The following FBRS variants were observed in gnomAD, a reference collection of about 807,000 sequenced individuals.
The protein encoded by FBRS is fibrosin, also known as probable fibrosin-1.
FBRS carries 15 observed loss-of-function variants against 86.1 expected under a neutral mutation model. The observed-to-expected ratio is 0.17, with a 90% CI of 0.12 to 0.27. FBRS has a LOEUF of 0.27. Among genes scored for constraint, FBRS ranks in the 10% least tolerant of loss-of-function variants. The pLI, the probability that FBRS is intolerant of heterozygous loss-of-function variation, is 1.00. For missense variants in FBRS, 1,367 were observed against 1,301.6 expected (o/e 1.05, Z -0.77); for synonymous variants, 666 against 575.8 (o/e 1.16, Z -2.24).
Position 30,670,090 on chromosome 16 carries a change from A to G in FBRS, c.*445A>G, listed in dbSNP as rs2052578625. The G allele has an allele frequency of 2.1e-6, 1 of 473,362 alleles. No homozygotes were observed. Among genetic ancestry groups the G allele is most frequent in the South Asian group, 1.5e-5 (1 of 64,688 alleles). The allele number at this position is 473,362 out of a possible 1,614,324, so 29.3% of individuals were successfully genotyped here. The stretch of plus-strand genomic sequence containing the variant: ...CAAGGAAGGGGGGTTCCATGTACAT[A>G]TTTATCACCCCTTTCACATAGCCCC... On this transcript the variant is annotated 3_prime_UTR_variant, in exon 18 of 18. Coordinates refer to ENST00000356166, the MANE Select transcript of FBRS (RefSeq NM_001105079.3).
chr16:30,670,220 T>C lies in FBRS; in HGVS notation c.*575T>C, dbSNP rs1419623177. On this transcript the variant is annotated 3_prime_UTR_variant, in exon 18 of 18. Coordinates refer to ENST00000356166, the MANE Select transcript of FBRS (RefSeq NM_001105079.3). ...GTGTTCCTAGCCTCTGGCCTCTCTG[T>C]GGGGAAAGGGGACTGCAGGGGGAAG... is the stretch of plus-strand genomic sequence containing the variant. 2.2e-6 allele frequency: 1 copy of C among 457,614 alleles called. No homozygotes were observed. Among genetic ancestry groups the C allele is most frequent in the Non-Finnish European group, 4.4e-6 (1 of 226,820 alleles). 28.3% of individuals were successfully genotyped at this position (457,614 alleles called of 1,614,324 possible). A position where few individuals can be genotyped will look rare whatever the true frequency, so the allele number is the denominator to read the frequency against.
Position 30,669,536 on chromosome 16 carries a change from T to C in FBRS, c.2834T>C (p.Leu945Pro). 6.2e-7 allele frequency: 1 copy of C among 1,612,794 alleles called. No homozygotes were observed. Among genetic ancestry groups the C allele is most frequent in the South Asian group, 1.1e-5 (1 of 91,080 alleles). The part of the protein sequence containing the change: ...PAAAPGTPHL[L>P]SKTPPGALLG... ...GCGGCCCCGGGAACCCCTCACCTTC[T>C]CAGCAAGACCCCACCGGGAGCCCTT... The change falls in exon 18 of 18, where the codon CTC becomes CCC. Residue 945 changes from leucine to proline, a missense_variant. Transcript: ENST00000356166. This position sits in a 1 kb window ranked among gnomAD's most constrained non-coding sequence, Gnocchi z 5.9.
Position 30,669,280 on chromosome 16 carries a change from GA to G in FBRS, c.2579del (p.Glu860GlyfsTer45), listed in dbSNP as rs2052566892. ...GCCCCAGGGCCTTCACCTGCTGTTT[GA>G]GAGGCCCCGGCCGCCCCCGTTTCTG... ...TGPQGLHLLF[E>X]RPRPPPFLGP... is the part of the protein sequence containing the mutation. On this transcript the variant is annotated frameshift_variant, in exon 18 of 18. Transcript: ENST00000356166. LOFTEE classifies it high-confidence loss of function. The surrounding 1 kb of genome is among the most constrained non-coding windows in gnomAD (Gnocchi z 5.9). The G allele has an allele frequency of 1.3e-6, 2 of 1,571,686 alleles. No individual in the cohort carries two copies. Among genetic ancestry groups the G allele is most frequent in the African/African-American group, 2.7e-5 (2 of 73,692 alleles).
Position 30,658,918 on chromosome 16 carries a change from A to C in FBRS, c.-601A>C, listed in dbSNP as rs1036256063. The C allele has an allele frequency of 6.6e-6, 1 of 152,218 alleles. No individual in the cohort carries two copies. The highest frequency in any genetic ancestry group is 2.1e-4 in the South Asian group (1 of 4,828). The allele number at this position is 152,218 out of a possible 1,614,324, so 9.4% of individuals were successfully genotyped here. On this transcript the variant is annotated 5_prime_UTR_variant, in exon 1 of 18. Coordinates refer to ENST00000356166, the MANE Select transcript of FBRS (RefSeq NM_001105079.3). Reference sequence around the variant, plus strand: ...GTTTTTCTTTACGTCCTCCTCCCCCACACACAAGAAGTCTTTTAAATTCAA... The same window carrying C: ...GTTTTTCTTTACGTCCTCCTCCCCCCCACACAAGAAGTCTTTTAAATTCAA...
At chr16:30,667,485 T>C in intron 14 of FBRS, 48 bp downstream of exon 14, 1 of 1,514,450 alleles carries the variant, frequency 6.6e-7, no homozygotes, top group South Asian at 1.2e-5. Context: ...GTCTATAGCC[T>C]GAGGCCCAGC....
Position 30,669,689 on chromosome 16 carries a change from TTTAACCAGG to T in FBRS, c.*46_*54del, listed in dbSNP as rs1433321077. On this transcript the variant is annotated 3_prime_UTR_variant, in exon 18 of 18. Transcript: ENST00000356166. The surrounding 1 kb of genome is among the most constrained non-coding windows in gnomAD (Gnocchi z 5.9). The stretch of plus-strand genomic sequence containing the variant: ...GGGGCAAAGCTCCATCTCCCCTTCC[TTTAACCAGG>T]TCCTAGGGCTGAGGTTTTAAGCCAG... 4 of 1,536,606 alleles carry T rather than the reference TTTAACCAGG, an allele frequency of 2.6e-6. No individual in the cohort carries two copies. The highest frequency in any genetic ancestry group is 3.5e-6 in the Non-Finnish European group (4 of 1,150,258).
rs1409027638 is a variant in FBRS at position 30,670,369 on chromosome 16, GC to G, written c.*728del. ...GCAGAAGCTTCCTACTTGGCTGACA[GC>G]CCCGGTTCCCCCAACATGTTCCCGT... is the stretch of plus-strand genomic sequence containing the variant. On this transcript the variant is annotated 3_prime_UTR_variant, in exon 18 of 18. Coordinates refer to ENST00000356166, the MANE Select transcript of FBRS (RefSeq NM_001105079.3). 2.8e-6 allele frequency: 1 copy of G among 362,386 alleles called. No individual in the cohort carries two copies. The allele number at this position is 362,386 out of a possible 1,614,324, so 22.4% of individuals were successfully genotyped here. A position where few individuals can be genotyped will look rare whatever the true frequency, so the allele number is the denominator to read the frequency against.
At position 30,658,585 on chromosome 16, in the gene FBRS, G is replaced by A. The variant is rs1027093050; in HGVS notation, c.-934G>A. On this transcript the variant is annotated 5_prime_UTR_variant, in exon 1 of 18. Transcript: ENST00000356166. ...CCGTTCCGGATCCCCTAAGGCCCAAGTCGGACAGAGACGGAGGAAAGGAGG... is the reference window on the plus strand; with the variant it reads ...CCGTTCCGGATCCCCTAAGGCCCAAATCGGACAGAGACGGAGGAAAGGAGG... The A allele has an allele frequency of 5.9e-5, 9 of 152,536 alleles. No homozygotes were observed. The highest frequency in any genetic ancestry group is 2.2e-4 in the African/African-American group (9 of 41,474). 9.4% of individuals were successfully genotyped at this position (152,536 alleles called of 1,614,324 possible).
chr16:30,667,635 G>C lies in FBRS; in HGVS notation c.2074+13G>C. ...AGCACCCACATTGGTAAGAGCCAAG[G>C]GCGTGTTGGGCAACCCAGGCTTTGT... On this transcript the variant is annotated intron_variant, in intron 15 of 17. Coordinates refer to ENST00000356166, the MANE Select transcript of FBRS (RefSeq NM_001105079.3). 1 of 1,488,468 alleles carries C rather than the reference G, an allele frequency of 6.7e-7. No homozygotes were observed. The highest frequency in any genetic ancestry group is 8.9e-7 in the Non-Finnish European group (1 of 1,119,738). The allele number at this position is 1,488,468 out of a possible 1,614,324, so 92.2% of individuals were successfully genotyped here.
Position 30,664,304 on chromosome 16 carries a change from C to T in FBRS, c.1145C>T (p.Ala382Val). 6.5e-7 allele frequency: 1 copy of T among 1,538,978 alleles called. No homozygotes were observed. The part of the protein sequence containing the change: ...SSSSSSSSSS[A>V]SSSSAQLTHR... ...TCTTCGTCCTCCTCCTCCTCATCTGCCTCCTCCTCGTCCGCGCAGCTCACC... is the reference window on the plus strand; with the variant it reads ...TCTTCGTCCTCCTCCTCCTCATCTGTCTCCTCCTCGTCCGCGCAGCTCACC... The change falls in exon 7 of 18, where the codon GCC becomes GTC. Residue 382 changes from alanine to valine, a missense_variant. Physicochemically the swap from Ala to Val is moderately conservative, Grantham distance 64. This residue lies in a region of FBRS where 702 missense variants were observed against 598.7 expected (regional missense o/e 1.17). Coordinates refer to ENST00000356166, the MANE Select transcript of FBRS (RefSeq NM_001105079.3).
In FBRS at chr16:30,667,641, T is replaced by G; in HGVS notation, c.2074+19T>G. On this transcript the variant is annotated intron_variant, in intron 15 of 17. Transcript: ENST00000356166. ...CACATTGGTAAGAGCCAAGGGCGTG[T>G]TGGGCAACCCAGGCTTTGTCCCTGA... 3 of 1,484,490 alleles carry G rather than the reference T, an allele frequency of 2.0e-6. No individual in the cohort carries two copies. Among genetic ancestry groups the G allele is most frequent in the Non-Finnish European group, 2.7e-6 (3 of 1,117,108 alleles). 92.0% of individuals were successfully genotyped at this position (1,484,490 alleles called of 1,614,324 possible). A position where few individuals can be genotyped will look rare whatever the true frequency, so the allele number is the denominator to read the frequency against.
At chr16:30,663,472 C>T (rs754286612) in intron 6 of FBRS, among the ~76,000 whole-genome samples, 5 of 151,628 alleles carry the variant, frequency 3.3e-5, no homozygotes, top group African/African-American at 9.7e-5. Flanking sequence ...TGTCATGCCT[C>T]AGCCCCTTGA....
chr16:30,664,398 G>GCGC lies in FBRS; in HGVS notation c.1240_1241insGCC (p.Arg413dup). ...ACAGCTTTCCCCCTCCCGGGCTGCGGCCCCCCCCACCACCCCACCACCCCT... is the reference window on the plus strand; with the variant it reads ...ACAGCTTTCCCCCTCCCGGGCTGCGGCGCCCCCCCCCACCACCCCACCACCCCT... On this transcript the variant is annotated inframe_insertion, in exon 7 of 18. Coordinates refer to ENST00000356166, the MANE Select transcript of FBRS (RefSeq NM_001105079.3). The GCGC allele has an allele frequency of 2.2e-6, 3 of 1,376,416 alleles. No homozygotes were observed. The highest frequency in any genetic ancestry group is 2.9e-6 in the Non-Finnish European group (3 of 1,026,024). The allele number at this position is 1,376,416 out of a possible 1,614,324, so 85.3% of individuals were successfully genotyped here.
At chr16:30,666,313 G>C (rs1282213421) in intron 11 of FBRS, 199 bp from the exon 12 acceptor site, 3 of 662,568 alleles carry the variant, frequency 4.5e-6, no homozygotes, top group Non-Finnish European at 7.7e-6. Flanking sequence ...CCTGGGGCTT[G>C]GTTCAGAAAC....
At position 30,670,001 on chromosome 16, in the gene FBRS, G is replaced by A; in HGVS notation, c.*356G>A. On this transcript the variant is annotated 3_prime_UTR_variant, in exon 18 of 18. Transcript: ENST00000356166. ...GGCTCACTAAGCCAGAGGCCAAAGT[G>A]CCCCCTCCCGTTCACCTACCACCCA... The A allele has an allele frequency of 1.9e-6, 1 of 513,202 alleles. No homozygotes were observed. The highest frequency in any genetic ancestry group is 3.7e-6 in the Non-Finnish European group (1 of 270,896). The allele number at this position is 513,202 out of a possible 1,614,324, so 31.8% of individuals were successfully genotyped here.
chr16:30,669,607 C>T lies in FBRS; in HGVS notation c.2905C>T (p.Pro969Ser). The T allele has an allele frequency of 1.2e-6, 2 of 1,609,180 alleles. No individual in the cohort carries two copies. Among genetic ancestry groups the T allele is most frequent in the Non-Finnish European group, 1.7e-6 (2 of 1,179,110 alleles). The change falls in exon 18 of 18, where the codon CCA (proline) becomes TCA (serine). Residue 969 changes from proline (P) to serine (S), a missense_variant. Coordinates refer to ENST00000356166, the MANE Select transcript of FBRS (RefSeq NM_001105079.3). This position sits in a 1 kb window ranked among gnomAD's most constrained non-coding sequence, Gnocchi z 5.9. ...TGTGCCCGCCCCCCGGCCCAGTTCC[C>T]CACCTAGGGGCCCTGGCCCAGCTCG... ...PLVPAPRPSSPPRGPGPARAD... is the reference protein window; with the variant it reads ...PLVPAPRPSSSPRGPGPARAD...
rs1481854109 is a variant in FBRS at position 30,667,455 on chromosome 16, C to T, written c.1993+18C>T. On this transcript the variant is annotated intron_variant, in intron 14 of 17. Coordinates refer to ENST00000356166, the MANE Select transcript of FBRS (RefSeq NM_001105079.3). ...TGCGACTGGTGAGTCTGGCCAGCCC[C>T]CTCGGGCCTGAGGTTCCCTGTCTAT... The T allele has an allele frequency of 4.6e-6, 7 of 1,528,120 alleles. No individual in the cohort carries two copies. Among genetic ancestry groups the T allele is most frequent in the Non-Finnish European group, 6.2e-6 (7 of 1,132,244 alleles). The allele number at this position is 1,528,120 out of a possible 1,614,324, so 94.7% of individuals were successfully genotyped here.
chr16:30,664,421 C>G lies in FBRS; in HGVS notation c.1262C>G (p.Pro421Arg). The change falls in exon 7 of 18, where the codon CCC becomes CGC. Residue 421 changes from proline (P) to arginine (R), a missense_variant. This residue lies in a region of FBRS where 702 missense variants were observed against 598.7 expected (regional missense o/e 1.17). Transcript: ENST00000356166. ...GLRPPPPPHHPSLFSPGPTLP... is the reference protein window; with the variant it reads ...GLRPPPPPHHRSLFSPGPTLP... ...CGGCCCCCCCCACCACCCCACCACC[C>G]CTCCTTGTTCTCCCCTGGCCCCACC... The G allele has an allele frequency of 7.0e-7, 1 of 1,423,636 alleles. No individual in the cohort carries two copies. The highest frequency in any genetic ancestry group is 2.6e-5 in the East Asian group (1 of 37,840). The allele number at this position is 1,423,636 out of a possible 1,614,324, so 88.2% of individuals were successfully genotyped here.
chr16:30,668,410 C>G lies in FBRS; in HGVS notation c.2075-150C>G, dbSNP rs887676474. On this transcript the variant is annotated intron_variant, in intron 15 of 17. Coordinates refer to ENST00000356166, the MANE Select transcript of FBRS (RefSeq NM_001105079.3). ...CAGGGTGCTTGTCAAAGCTCAACAC[C>G]TTCCTGGCCCAAGGAAGTGCTCAGC... 6.7e-5 allele frequency: 46 copies of G among 681,686 alleles called. No individual in the cohort carries two copies. In the Admixed American group the frequency reaches 1.1e-3, roughly 16 times the overall value. The allele number at this position is 681,686 out of a possible 1,614,324, so 42.2% of individuals were successfully genotyped here.
Sources: gnomAD v4.1 joint callset for allele counts (sites outside exome capture counted in the v4.1 genomes callset) on GRCh38, gnomAD v4.1.1 for gene constraint, gnomAD v4.1.1 regional missense constraint, Gnocchi (gnomAD v3.1) non-coding constraint, MANE v1.5 for transcripts, NCBI Gene and HGNC (gene_info 2026-07-23, HGNC 2026-07-21) for gene names.